CFAP58: variants seen among roughly 807,000 people sequenced by gnomAD.
CFAP58 encodes the protein cilia- and flagella-associated protein 58.
CFAP58 carries 88 observed loss-of-function variants against 119.5 expected under a neutral mutation model. The ratio of observed to expected loss-of-function variants is 0.74; its 90% CI spans 0.62 to 0.88. The LOEUF is 0.88. Ranked by LOEUF, CFAP58 falls within the 40% of genes least tolerant of loss-of-function variation. The pLI, the probability that CFAP58 is intolerant of heterozygous loss-of-function variation, is 0.00. For missense variants in CFAP58, 990 were observed against 1,021.2 expected, an observed-to-expected ratio of 0.97 and a Z score of 0.42; for synonymous variants, 365 against 366.3, an observed-to-expected ratio of 1.00 and a Z score of 0.04.
chr10:104,357,960 T>TATGTAC (rs1564876165), intron 1 of CFAP58, among the ~76,000 whole-genome samples: 2 of 122,036 alleles, frequency 1.6e-5, no homozygotes, highest in South Asian at 2.3e-4. Context: ...TATATACACA[T>TATGTAC]ATATGTACAC....
intron 15 of CFAP58, among the ~76,000 whole-genome samples, chr10:104,421,605 A>G (rs1338633305): frequency 6.6e-6 from 1 of 152,206 alleles, no homozygotes; most frequent in East Asian, 1.9e-4. Flanking sequence ...TCCCAGCTCA[A>G]TAGACTAAAG....
At chr10:104,359,161 AT>A (rs1191029501) in intron 2 of CFAP58, among the ~76,000 whole-genome samples, 10 of 152,078 alleles carry the variant, frequency 6.6e-5, no homozygotes, top group South Asian at 2.1e-4. Context: ...TTTACACTAG[AT>A]TTTTTTCATC....
At chr10:104,383,418 T>C (rs1161965671) in intron 9 of CFAP58, among the ~76,000 whole-genome samples, 2 of 152,204 alleles carry the variant, frequency 1.3e-5, no homozygotes, top group Non-Finnish European at 2.9e-5. Flanking sequence ...GTTAAACAAA[T>C]GGATAGATGA....
the CFAP58 span, among the ~76,000 whole-genome samples, chr10:104,341,169 C>T: frequency 2.6e-5 from 4 of 151,898 alleles, no homozygotes; most frequent in Non-Finnish European, 5.9e-5. Context: ...TGGTCCCTAG[C>T]AGAATAAACA....
At chr10:104,430,400 C>T (rs894878719) in intron 15 of CFAP58, among the ~76,000 whole-genome samples, 1 of 152,224 alleles carries the variant, frequency 6.6e-6, no homozygotes, top group African/African-American at 2.4e-5. Flanking sequence ...AGCCTGACAA[C>T]AAAAGGTTGT....
intron 1 of CFAP58, among the ~76,000 whole-genome samples, chr10:104,358,006 T>TAC (rs968091469): frequency 7.5e-6 from 1 of 133,358 alleles, no homozygotes; most frequent in Admixed American, 7.2e-5. Flanking sequence ...TACACATATA[T>TAC]ACACATATAT....
intron 15 of CFAP58, among the ~76,000 whole-genome samples, chr10:104,443,659 T>C (rs2013072879): frequency 6.6e-6 from 1 of 152,224 alleles, no homozygotes; most frequent in Admixed American, 6.5e-5. Context: ...TGTTTTCAGC[T>C]GAAGATATAA....
chr10:104,416,441 G>T (rs531359059), intron 15 of CFAP58, among the ~76,000 whole-genome samples: 2 of 152,150 alleles, frequency 1.3e-5, no homozygotes, highest in South Asian at 4.1e-4. Flanking sequence ...CCCTTTCAAG[G>T]TGAACTTTCT....
chr10:104,417,986 T>A (rs2012580169), intron 15 of CFAP58, among the ~76,000 whole-genome samples: 1 of 152,172 alleles, frequency 6.6e-6, no homozygotes, highest in Admixed American at 6.5e-5. Flanking sequence ...GCACCAAGAA[T>A]GGTGTTTATA....
At chr10:104,409,282 G>A (rs1381964991) in intron 15 of CFAP58, among the ~76,000 whole-genome samples, 1 of 152,096 alleles carries the variant, frequency 6.6e-6, no homozygotes, top group East Asian at 1.9e-4. Flanking sequence ...AATTAAAAGT[G>A]TATTTTAAAT....
At chr10:104,411,995 C>T (rs549243308) in intron 15 of CFAP58, among the ~76,000 whole-genome samples, 2 of 152,284 alleles carry the variant, frequency 1.3e-5, no homozygotes, top group South Asian at 2.1e-4. Context: ...AGCTATCCCT[C>T]AGGGGAGAGC....
At chr10:104,359,158 T>C (rs1451986633) in intron 2 of CFAP58, among the ~76,000 whole-genome samples, 1 of 152,236 alleles carries the variant, frequency 6.6e-6, no homozygotes, top group Non-Finnish European at 1.5e-5. Context: ...TGTTTTACAC[T>C]AGATTTTTTT....
At chr10:104,400,631 G>C in intron 12 of CFAP58, 49 bp from the exon 13 acceptor site, 1 of 1,488,802 alleles carries the variant, frequency 6.7e-7, no homozygotes, top group Non-Finnish European at 9.4e-7. Context: ...ACAGTGAAAA[G>C]CTAAGGCTCC....
In CFAP58 at chr10:104,453,033, A is replaced by G. The variant is rs115818518; in HGVS notation, c.2511-1389A>G. 2.5e-3 allele frequency among the ~76,000 whole-genome samples: 381 copies of G among 152,354 alleles called. 1 individual carries two copies. Among genetic ancestry groups the G allele is most frequent in the African/African-American group, 8.9e-3 (370 of 41,584 alleles). ...GCTGAGGGAGTCATTATAATGGTCTATAAATACATTAAAAAGATAATATAA... is the reference window on the plus strand; with the variant it reads ...GCTGAGGGAGTCATTATAATGGTCTGTAAATACATTAAAAAGATAATATAA... On this transcript the variant is annotated intron_variant, in intron 17 of 17. Transcript: ENST00000369704.
chr10:104,361,076 C>T (rs1259125136), intron 2 of CFAP58, among the ~76,000 whole-genome samples: 1 of 152,218 alleles, frequency 6.6e-6, no homozygotes, highest in Non-Finnish European at 1.5e-5. Context: ...CCAGGCCCCA[C>T]CTCCAACATT....
At chr10:104,406,862 A>C in intron 15 of CFAP58, 69 bp downstream of exon 15, 1 of 1,215,042 alleles carries the variant, frequency 8.2e-7, no homozygotes, top group South Asian at 1.2e-5. Context: ...CTACGTTCTT[A>C]GAATTAGTTA....
intron 15 of CFAP58, among the ~76,000 whole-genome samples, chr10:104,419,287 C>T (rs1382792119): frequency 6.6e-6 from 1 of 152,214 alleles, no homozygotes; most frequent in East Asian, 1.9e-4. Context: ...CCAAGACAGC[C>T]TGAGTATGAA....
rs552993304 is a variant in CFAP58 at position 104,392,178 on chromosome 10, C to A, written c.1366-55C>A. 6.7e-6 allele frequency: 10 copies of A among 1,495,926 alleles called. No homozygotes were observed. In the African/African-American group the frequency reaches 8.6e-5, roughly 13 times the overall value. The allele number at this position is 1,495,926 out of a possible 1,614,324, so 92.7% of individuals were successfully genotyped here. A position where few individuals can be genotyped will look rare whatever the true frequency, so the allele number is the denominator to read the frequency against. On this transcript the variant is annotated intron_variant, in intron 9 of 17. Coordinates refer to ENST00000369704, the MANE Select transcript of CFAP58 (RefSeq NM_001008723.2). ...GATAAAAAACTCCATTTGTCCTGAA[C>A]CAATAAGCACAGATGGGCTATTTAA...
At chr10:104,377,247 T>C (rs763806658) in intron 8 of CFAP58, among the ~76,000 whole-genome samples, 23 of 152,254 alleles carry the variant, frequency 1.5e-4, no homozygotes, top group Non-Finnish European at 3.1e-4. Flanking sequence ...GACAACTTGC[T>C]AATCCAAAAA....
Sources: gnomAD v4.1 joint callset for allele counts (sites outside exome capture counted in the v4.1 genomes callset) on GRCh38, gnomAD v4.1.1 for gene constraint, MANE v1.5 for transcripts, NCBI Gene and HGNC (gene_info 2026-07-23, HGNC 2026-07-21) for gene names.